The following RRBP1 variants were observed in gnomAD, a reference collection of about 807,000 sequenced individuals.
RRBP1 encodes ribosome binding protein 1.
A neutral mutation model predicts 165.2 loss-of-function variants in RRBP1; 94 were observed. The observed-to-expected ratio is 0.57, with a 90% CI of 0.48 to 0.68. The LOEUF (loss-of-function observed/expected upper bound fraction) is 0.68, where lower values mean the gene tolerates loss of function less well. Ranked by LOEUF, RRBP1 falls within the 30% of genes least tolerant of loss-of-function variation. The pLI is 0.00. For missense variants in RRBP1, 1,676 were observed against 1,763.0 expected, an observed-to-expected ratio of 0.95 and a Z score of 0.88; for synonymous variants, 680 against 714.5, an observed-to-expected ratio of 0.95 and a Z score of 0.77.
chr20:17,654,317 T>C (rs1372015651), intron 3 of RRBP1, among the ~76,000 whole-genome samples: 1 of 152,188 alleles, frequency 6.6e-6, no homozygotes, highest in Non-Finnish European at 1.5e-5. Context: ...GAGTCCTAAA[T>C]GCTTCTTCTT....
chr20:17,633,340 C>T (rs2036187780), intron 8 of RRBP1, 120 bp downstream of exon 8: 1 of 1,062,160 alleles, frequency 9.4e-7, no homozygotes, highest in Non-Finnish European at 1.4e-6. Flanking sequence ...ATCATCTGTC[C>T]CAGTCAAGGC....
In RRBP1 at chr20:17,621,743, C is replaced by T. The variant is rs761880800; in HGVS notation, c.3271G>A (p.Glu1091Lys). 6.2e-7 allele frequency: 1 copy of T among 1,613,894 alleles called. No homozygotes were observed. The highest frequency in any genetic ancestry group is 8.5e-7 in the Non-Finnish European group (1 of 1,180,014). The change falls in exon 15 of 25, where the codon GAG becomes AAG. Residue 1091 changes from glutamate to lysine, a missense_variant. By Grantham distance (56) the Glu-to-Lys change is moderately conservative. Around this residue, in one of 5 missense-constraint regions of RRBP1, gnomAD observed 1,184 missense variants for 1,167.1 expected, o/e 1.01. Coordinates refer to ENST00000377813, the MANE Select transcript of RRBP1 (RefSeq NM_001365613.2). ...TGCTTCAGCAGCGTGGGGCCTTTCT[C>T]TTTGAGATCCTGCAGCCACTCGGTG... Reference protein sequence around the residue: ...NYTEWLQDLKEKGPTLLKHPP... With the variant: ...NYTEWLQDLKKKGPTLLKHPP...
chr20:17,624,756 C>T lies in RRBP1; in HGVS notation c.3055-88G>A, dbSNP rs2122277288. On this transcript the variant is annotated intron_variant, in intron 12 of 24. Coordinates refer to ENST00000377813, the MANE Select transcript of RRBP1 (RefSeq NM_001365613.2). ...TGTCAGACAGGACAGGGCCCAGAGA[C>T]CCTCCTTGATGCCACCCTGGCCCAC... 3 of 961,798 alleles carry T rather than the reference C, an allele frequency of 3.1e-6. No homozygotes were observed. In the South Asian group the frequency reaches 4.2e-5, roughly 13 times the overall value. 59.6% of individuals were successfully genotyped at this position (961,798 alleles called of 1,614,324 possible).
rs1600738122 is a variant in RRBP1 at position 17,630,684 on chromosome 20, T to C, written c.2611-723A>G. 2.0e-5 allele frequency among the ~76,000 whole-genome samples: 3 copies of C among 152,120 alleles called. No individual in the cohort carries two copies. The South Asian group carries it at 6.2e-4, about 32-fold the overall frequency. ...CCACCTGTAAAGGATTCCCACACAC[T>C]GGGGCAGAAGTGCTGGCCAAGGCCT... On this transcript the variant is annotated intron_variant, in intron 8 of 24. Coordinates refer to ENST00000377813, the MANE Select transcript of RRBP1 (RefSeq NM_001365613.2).
chr20:17,634,837 C>T (rs1288679031), intron 7 of RRBP1, among the ~76,000 whole-genome samples: 2 of 152,214 alleles, frequency 1.3e-5, no homozygotes, highest in Non-Finnish European at 2.9e-5. Flanking sequence ...TCTCACTCCA[C>T]GTCAGAGGGA....
chr20:17,628,615 TGA>T (rs1160226551), intron 9 of RRBP1, among the ~76,000 whole-genome samples: 1 of 152,060 alleles, frequency 6.6e-6, no homozygotes, highest in African/African-American at 2.4e-5. Context: ...AGAGGGAGGG[TGA>T]CCTGGCCCTG....
chr20:17,671,093 G>C (rs2036969088), intron 2 of RRBP1, among the ~76,000 whole-genome samples: 1 of 152,092 alleles, frequency 6.6e-6, no homozygotes, highest in Non-Finnish European at 1.5e-5. Context: ...AAATCCATCT[G>C]TTAGATTTTT....
chr20:17,659,818 T>C lies in RRBP1; in HGVS notation c.690A>G (p.Lys230=), dbSNP rs2036725514. The change falls in exon 3 of 25, where the codon AAA becomes AAG. Residue 230 remains lysine (K), a synonymous_variant. Coordinates refer to ENST00000377813, the MANE Select transcript of RRBP1 (RefSeq NM_001365613.2). ...CTTGGTTTGGGGTTCCCTCTGTCTTTTTGCCCTGGTTTGGGGTTCCCTCTG... is the reference window on the plus strand; with the variant it reads ...CTTGGTTTGGGGTTCCCTCTGTCTTCTTGCCCTGGTTTGGGGTTCCCTCTG... ...RKAEGTPNQG[K]KTEGTPNQGK... is the part of the protein sequence containing the mutation. The C allele has an allele frequency of 1.9e-6, 3 of 1,551,014 alleles. No individual in the cohort carries two copies.
chr20:17,617,268 CAA>C (rs2035819727), intron 20 of RRBP1, among the ~76,000 whole-genome samples: 1 of 152,352 alleles, frequency 6.6e-6, no homozygotes, highest in African/African-American at 2.4e-5. Flanking sequence ...TCTTGCCTAA[CAA>C]GGTCCCCCAC....
rs368155441 is a variant in RRBP1 at position 17,641,825 on chromosome 20, G to A, written c.2156C>T (p.Ala719Val). 5.6e-6 allele frequency: 9 copies of A among 1,613,484 alleles called. No individual in the cohort carries two copies. Among genetic ancestry groups the A allele is most frequent in the East Asian group, 2.2e-5 (1 of 44,890 alleles). Residue 719 changes from alanine (A) to valine (V), a missense_variant, in exon 5 of 25, where the codon GCC becomes GTC. Coordinates refer to ENST00000377813, the MANE Select transcript of RRBP1 (RefSeq NM_001365613.2). ...LATEQEDAAV[A>V]KSKLRELNKE... ...GTTGAGCTCCCTCAGTTTGCTCTTG[G>A]CGACAGCCGCATCTTCCTGTTCTGT... is the stretch of plus-strand genomic sequence containing the variant.
intron 5 of RRBP1, among the ~76,000 whole-genome samples, chr20:17,638,858 T>G (rs968153565): frequency 4.6e-5 from 7 of 152,092 alleles, no homozygotes; most frequent in African/African-American, 1.7e-4. Context: ...CTTTGAGGAC[T>G]GTAGAGAGCC....
intron 3 of RRBP1, among the ~76,000 whole-genome samples, chr20:17,657,105 C>A (rs1275186853): frequency 6.6e-6 from 1 of 152,178 alleles, no homozygotes. Flanking sequence ...TGTGGAAGAA[C>A]CAAGTAAAAG....
chr20:17,614,606 C>T, intron 24 of RRBP1, 131 bp downstream of exon 24: 1 of 1,187,678 alleles, frequency 8.4e-7, no homozygotes, highest in Non-Finnish European at 1.2e-6. Flanking sequence ...AGCTCTGCCT[C>T]CCCTGGGGCT....
chr20:17,621,404 C>A, intron 16 of RRBP1, 54 bp downstream of exon 16: 1 of 1,427,336 alleles, frequency 7.0e-7, no homozygotes, highest in East Asian at 2.3e-5. Context: ...CCCCGAAGCT[C>A]TCCTTCCCTG....
At chr20:17,664,807 G>A (rs765613140) in intron 2 of RRBP1, among the ~76,000 whole-genome samples, 6 of 152,162 alleles carry the variant, frequency 3.9e-5, no homozygotes, top group Non-Finnish European at 8.8e-5. Flanking sequence ...AAGCTGTGGG[G>A]TAGGGGTGGA....
chr20:17,666,540 A>C (rs1011044763), intron 2 of RRBP1, among the ~76,000 whole-genome samples: 3 of 152,202 alleles, frequency 2.0e-5, no homozygotes, highest in Non-Finnish European at 4.4e-5. Context: ...TGTTCTTGTC[A>C]AATCTAGGAG....
chr20:17,640,949 C>T lies in RRBP1; in HGVS notation c.2184+848G>A, dbSNP rs3790319. 1.0e-2 allele frequency among the ~76,000 whole-genome samples: 1,521 copies of T among 152,320 alleles called. 21 individuals are homozygous for T. Among genetic ancestry groups the T allele is most frequent in the East Asian group, 0.039 (202 of 5,166 alleles). ...ACCATCCAGGCCCTCCCCCTGCGCC[C>T]GCTGCCCGGGATGGAGAAGGCAGGG... On this transcript the variant is annotated intron_variant, in intron 5 of 24. Transcript: ENST00000377813.
Position 17,620,291 on chromosome 20 carries a change from G to T in RRBP1, c.3579+8C>A. On this transcript the variant is annotated splice_region_variant and intron_variant, in intron 18 of 24. Coordinates refer to ENST00000377813, the MANE Select transcript of RRBP1 (RefSeq NM_001365613.2). ...CAAGAGAAAGAGTTCTCTGAGCAGA[G>T]CACATACCTGGTCCGAACTTTCAAG... 6.2e-7 allele frequency: 1 copy of T among 1,606,098 alleles called. No homozygotes were observed. Among genetic ancestry groups the T allele is most frequent in the Non-Finnish European group, 8.5e-7 (1 of 1,172,776 alleles).
chr20:17,641,280 C>T (rs889355270), intron 5 of RRBP1, among the ~76,000 whole-genome samples: 1 of 152,252 alleles, frequency 6.6e-6, no homozygotes, highest in Admixed American at 6.5e-5. Flanking sequence ...ACGTGCCACG[C>T]CATCCGCTGA....
Sources: allele counts gnomAD v4.1 joint callset (sites outside exome capture counted in the v4.1 genomes callset), GRCh38; gene constraint gnomAD v4.1.1; regional missense constraint gnomAD v4.1.1; transcripts MANE v1.5; gene names NCBI Gene and HGNC (gene_info 2026-07-23, HGNC 2026-07-21).